Variants in PDCD6IP observed in about 807,000 individuals in gnomAD.
The protein encoded by PDCD6IP is programmed cell death 6-interacting protein.
A neutral mutation model predicts 103.7 loss-of-function variants in PDCD6IP; 43 were observed. That is an observed-to-expected ratio of 0.41 (90% CI 0.32 to 0.53). PDCD6IP has a LOEUF of 0.53. PDCD6IP is among the 20% of genes least tolerant of loss of function. The pLI is 0.16. For missense variants in PDCD6IP, 871 were observed against 1,036.7 expected (o/e 0.84, Z 2.20); for synonymous variants, 354 against 378.7 (o/e 0.93, Z 0.76).
chr3:33,861,013 AC>A (rs1383932299), intron 15 of PDCD6IP, among the ~76,000 whole-genome samples: 14 of 151,030 alleles, frequency 9.3e-5, no homozygotes, highest in African/African-American at 2.9e-4. Flanking sequence ...AAAAAAAAAA[AC>A]AGGTGAAATT....
chr3:33,860,889 A>T (rs1170413321), intron 15 of PDCD6IP, among the ~76,000 whole-genome samples: 1 of 152,180 alleles, frequency 6.6e-6, no homozygotes, highest in African/African-American at 2.4e-5. Flanking sequence ...AAAAATATGG[A>T]AACAAGTCAA....
Position 33,855,189 on chromosome 3 carries a change from C to T in PDCD6IP, c.2049C>T (p.Ile683=). The part of the protein sequence containing the change: ...GTKFYNELTE[I]LVRFQNKCSD... ...AGTTTTACAATGAGTTGACTGAAATCCTGGTCAGGTTCCAGAACAAATGCA... is the reference window on the plus strand; with the variant it reads ...AGTTTTACAATGAGTTGACTGAAATTCTGGTCAGGTTCCAGAACAAATGCA... The change falls in exon 15 of 18, where the codon ATC becomes ATT. Residue 683 remains isoleucine, a synonymous_variant. Transcript: ENST00000307296. 1.2e-6 allele frequency: 2 copies of T among 1,609,626 alleles called. No individual in the cohort carries two copies. Among genetic ancestry groups the T allele is most frequent in the South Asian group, 2.2e-5 (2 of 90,926 alleles).
chr3:33,827,031 A>T (rs1697142334), intron 6 of PDCD6IP: 7 of 985,250 alleles, frequency 7.1e-6, no homozygotes, highest in Non-Finnish European at 8.4e-6. Context: ...TAACAAATTC[A>T]TCTGATACTT....
chr3:33,852,518 A>G lies in PDCD6IP; in HGVS notation c.1672A>G (p.Asn558Asp). The change falls in exon 13 of 18, where the codon AAT (asparagine) becomes GAT (aspartate). Residue 558 changes from asparagine (N) to aspartate (D), a missense_variant. Asn to Asp is a conservative substitution (Grantham distance 23, BLOSUM62 1). Transcript: ENST00000307296. ...VVNVLKSLLS[N>D]LDEVKKEREG... is the part of the protein sequence containing the mutation. ...AAATGTCTTAAAATCCTTATTGTCA[A>G]ATCTTGATGAAGTAAAGAAGGAAAG... 6.4e-7 allele frequency: 1 copy of G among 1,565,304 alleles called. No homozygotes were observed. The highest frequency in any genetic ancestry group is 8.6e-7 in the Non-Finnish European group (1 of 1,163,124).
At chr3:33,862,211 A>G (rs1011343751) in intron 15 of PDCD6IP, among the ~76,000 whole-genome samples, 1 of 151,246 alleles carries the variant, frequency 6.6e-6, no homozygotes, top group Non-Finnish European at 1.5e-5. Context: ...TATTTATTTT[A>G]TAAGCAGTTA....
chr3:33,838,229 G>C lies in PDCD6IP; in HGVS notation c.1083G>C (p.Val361=), dbSNP rs1328998207. Residue 361 remains valine (V), a synonymous_variant, in exon 9 of 18, where the codon GTG becomes GTC. Coordinates refer to ENST00000307296, the MANE Select transcript of PDCD6IP (RefSeq NM_013374.6). ...ATCTGTTTGAGAAGATGGTTCCCGT[G>C]TCAGTACAGCAGTCTTTGGCTGCCT... ...FTDLFEKMVP[V]SVQQSLAAYN... 4 of 1,613,574 alleles carry C rather than the reference G, an allele frequency of 2.5e-6. No individual in the cohort carries two copies. The highest frequency in any genetic ancestry group is 3.4e-6 in the Non-Finnish European group (4 of 1,179,716).
At chr3:33,829,392 G>A (rs1025793785) in intron 7 of PDCD6IP, among the ~76,000 whole-genome samples, 6 of 152,094 alleles carry the variant, frequency 3.9e-5, no homozygotes, top group African/African-American at 1.2e-4. Flanking sequence ...TGCTCCAGGA[G>A]TATGTGTAGT....
intron 3 of PDCD6IP, among the ~76,000 whole-genome samples, chr3:33,816,999 G>A (rs1442853581): frequency 6.6e-6 from 1 of 152,134 alleles, no homozygotes; most frequent in Non-Finnish European, 1.5e-5. Context: ...GTAATTAAAT[G>A]TCCTTCAGTA....
intron 3 of PDCD6IP, among the ~76,000 whole-genome samples, chr3:33,813,904 A>G (rs1220721975): frequency 2.0e-5 from 3 of 152,244 alleles, no homozygotes; most frequent in Non-Finnish European, 2.9e-5. Context: ...GTAATAGCCT[A>G]TGAACAAACT....
intron 4 of PDCD6IP, among the ~76,000 whole-genome samples, chr3:33,823,601 G>A (rs1390811394): frequency 1.3e-5 from 2 of 152,118 alleles, no homozygotes; most frequent in African/African-American, 4.8e-5. Flanking sequence ...GGCCAACATG[G>A]TGAAACCCTG....
intron 15 of PDCD6IP, among the ~76,000 whole-genome samples, chr3:33,856,004 C>T (rs4679094): frequency 0.29 from 44,456 of 151,912 alleles, 6,739 homozygotes; most frequent in East Asian, 0.41. Context: ...GGCAGCTGGG[C>T]GAGTATTACT....
chr3:33,828,922 C>A lies in PDCD6IP; in HGVS notation c.787C>A (p.Leu263Met). 1 of 1,610,320 alleles carries A rather than the reference C, an allele frequency of 6.2e-7. No individual in the cohort carries two copies. The highest frequency in any genetic ancestry group is 8.5e-7 in the Non-Finnish European group (1 of 1,177,876). Reference protein sequence around the residue: ...QANAEYHQSILAKQQKKFGEE... With the variant: ...QANAEYHQSIMAKQQKKFGEE... ...CAATGCTGAGTACCATCAGTCTATC[C>A]TGGCAAAACAGCAGAAGAAATTTGG... Residue 263 changes from leucine (L) to methionine (M), a missense_variant, in exon 7 of 18, where the codon CTG (leucine) becomes ATG (methionine). Transcript: ENST00000307296.
chr3:33,815,885 T>C (rs1696839157), intron 3 of PDCD6IP, among the ~76,000 whole-genome samples: 1 of 152,196 alleles, frequency 6.6e-6, no homozygotes, highest in Non-Finnish European at 1.5e-5. Flanking sequence ...TGATAATAAA[T>C]TTATTCCTTC....
At chr3:33,828,695 G>T in intron 6 of PDCD6IP, 158 bp from the exon 7 acceptor site, 1 of 527,558 alleles carries the variant, frequency 1.9e-6, no homozygotes, top group Admixed American at 4.1e-5. Flanking sequence ...AAATCATGTC[G>T]TCTTCTCTGT....
At chr3:33,820,826 T>C (rs893735090) in intron 3 of PDCD6IP, among the ~76,000 whole-genome samples, 17 of 152,202 alleles carry the variant, frequency 1.1e-4, no homozygotes, top group African/African-American at 3.4e-4. Flanking sequence ...GTTGCTTTCA[T>C]GTTTGGCTTT....
chr3:33,827,372 A>C (rs924687201), intron 6 of PDCD6IP: 4 of 282,114 alleles, frequency 1.4e-5, no homozygotes, highest in Non-Finnish European at 2.1e-5. Flanking sequence ...ATTGATTTGT[A>C]AGTCATATTC....
intron 15 of PDCD6IP, among the ~76,000 whole-genome samples, chr3:33,855,883 G>A (rs1464511257): frequency 1.3e-5 from 2 of 152,162 alleles, no homozygotes; most frequent in African/African-American, 2.4e-5. Flanking sequence ...CAAATGTAAG[G>A]AGGCAATCAT....
At chr3:33,814,043 G>T (rs1295767555) in intron 3 of PDCD6IP, among the ~76,000 whole-genome samples, 1 of 152,144 alleles carries the variant, frequency 6.6e-6, no homozygotes, top group African/African-American at 2.4e-5. Flanking sequence ...TAGGTCAGAA[G>T]GGTGAGGACA....
At chr3:33,809,056 T>C (rs978309512) in intron 1 of PDCD6IP, among the ~76,000 whole-genome samples, 1 of 152,200 alleles carries the variant, frequency 6.6e-6, no homozygotes, top group Non-Finnish European at 1.5e-5. Flanking sequence ...GAGTTAAAAC[T>C]TTTTTTCATG....
Sources: allele counts gnomAD v4.1 joint callset (sites outside exome capture counted in the v4.1 genomes callset), GRCh38; gene constraint gnomAD v4.1.1; transcripts MANE v1.5; gene names NCBI Gene and HGNC (gene_info 2026-07-23, HGNC 2026-07-21).